HGD: variants seen among roughly 807,000 people sequenced by gnomAD.
The protein encoded by HGD is homogentisate 1,2-dioxygenase.
In HGD, 61 loss-of-function variants were observed where a neutral mutation model predicts 60.8. The observed-to-expected ratio is 1.00, with a 90% CI of 0.82 to 1.24. The LOEUF is 1.24. HGD is among the 50% of genes most tolerant of loss of function. HGD has a pLI of 0.00. For synonymous variants in HGD, 212 were observed against 187.7 expected (o/e 1.13, Z -1.06); for missense variants, 542 against 547.1 (o/e 0.99, Z 0.09).
chr3:120,633,032 A>T, intron 13 of HGD, 115 bp downstream of exon 13: 1 of 875,524 alleles, frequency 1.1e-6, no homozygotes, highest in Admixed American at 2.0e-5. Flanking sequence ...GCAGTCATTA[A>T]CTCTCCCTCT....
Position 120,638,573 on chromosome 3 carries a change from G to A in HGD, c.888C>T (p.Ser296=). 6.2e-7 allele frequency: 1 copy of A among 1,613,954 alleles called. No individual in the cohort carries two copies. The highest frequency in any genetic ancestry group is 8.5e-7 in the Non-Finnish European group (1 of 1,179,924). Residue 296 remains serine, a synonymous_variant, in exon 12 of 14, where the codon TCC becomes TCT. Transcript: ENST00000283871. The part of the protein sequence containing the change: ...NSVAFDHADP[S]IFTVLTAKSV... The stretch of plus-strand genomic sequence containing the variant: ...ACTTAGCAGTCAATACTGTGAAAAT[G>A]GATGGGTCCTGTGAACACACAAGGA...
At chr3:120,664,391 TTTTC>T (rs1029244795) in intron 4 of HGD, among the ~76,000 whole-genome samples, 3 of 151,900 alleles carry the variant, frequency 2.0e-5, no homozygotes, top group South Asian at 2.1e-4. Flanking sequence ...TTTCTCTTTC[TTTTC>T]TTTCTTTCTT....
chr3:120,654,784 G>A (rs913062154), intron 4 of HGD, among the ~76,000 whole-genome samples: 21 of 152,118 alleles, frequency 1.4e-4, no homozygotes, highest in Non-Finnish European at 2.2e-4. Context: ...TAAAATACCT[G>A]TGGTAAGGCC....
chr3:120,657,776 G>A (rs186988382), intron 4 of HGD, among the ~76,000 whole-genome samples: 1 of 152,010 alleles, frequency 6.6e-6, no homozygotes, highest in East Asian at 1.9e-4. Flanking sequence ...ATGACAGAAG[G>A]TGAAGCAGGA....
intron 11 of HGD, among the ~76,000 whole-genome samples, chr3:120,640,943 TC>T (rs141137309): frequency 8.6e-5 from 13 of 152,034 alleles, no homozygotes; most frequent in East Asian, 1.9e-4. Context: ...AAAATGAACT[TC>T]CCCCCGGGGT....
intron 10 of HGD, among the ~76,000 whole-genome samples, chr3:120,642,272 C>G (rs1941007615): frequency 6.6e-6 from 1 of 152,136 alleles, no homozygotes; most frequent in Non-Finnish European, 1.5e-5. Flanking sequence ...AAGGTGGTCC[C>G]TTCTGTATCT....
intron 4 of HGD, among the ~76,000 whole-genome samples, chr3:120,653,019 C>G (rs1320966364): frequency 1.3e-5 from 2 of 152,226 alleles, no homozygotes; most frequent in Non-Finnish European, 2.9e-5. Flanking sequence ...GCTTTTCATG[C>G]TATTTATAAT....
intron 6 of HGD, among the ~76,000 whole-genome samples, chr3:120,648,363 C>A (rs181709888): frequency 3.0e-4 from 45 of 152,184 alleles, no homozygotes; most frequent in Non-Finnish European, 6.0e-4. Flanking sequence ...AAGGCCAATG[C>A]GGCTCAAGTG....
At chr3:120,644,539 G>A (rs1941099640) in intron 9 of HGD, 96 bp from the exon 10 acceptor site, 1 of 1,593,882 alleles carries the variant, frequency 6.3e-7, no homozygotes, top group Non-Finnish European at 8.5e-7. Context: ...TTCATGTCAA[G>A]AGCTACTCCA....
chr3:120,656,568 G>GT lies in HGD; in HGVS notation c.283-3918_283-3917insA, dbSNP rs1269233590. The stretch of plus-strand genomic sequence containing the variant: ...AATTTTTGAGATCTTTTTTTTGGGG[G>GT]GGGGTTGGAGTCGCGCTCTGTTACC... On this transcript the variant is annotated intron_variant, in intron 4 of 13. Coordinates refer to ENST00000283871, the MANE Select transcript of HGD (RefSeq NM_000187.4). Among the ~76,000 whole-genome samples the GT allele has an allele frequency of 6.0e-5, 9 of 151,258 alleles. No individual in the cohort carries two copies. In the South Asian group the frequency reaches 1.3e-3, roughly 21 times the overall value.
intron 9 of HGD, among the ~76,000 whole-genome samples, chr3:120,645,067 A>G (rs1002932674): frequency 6.6e-6 from 1 of 152,200 alleles, no homozygotes; most frequent in African/African-American, 2.4e-5. Flanking sequence ...AAGTGCAAAA[A>G]CAGTTTAACT....
rs367751899 is a variant in HGD, at chr3:120,644,363, T to C, written c.730A>G (p.Thr244Ala). Residue 244 changes from threonine (T) to alanine (A), a missense_variant, in exon 10 of 14, where the codon ACG becomes GCG. Transcript: ENST00000283871. ...TTGCCCTGGTATTTATTAATGACCG[T>C]GTAACCACCTGGTACTTGGCGATCC... ...YEDRQVPGGY[T>A]VINKYQGKLF... 8 of 1,614,038 alleles carry C rather than the reference T, an allele frequency of 5.0e-6. No homozygotes were observed. The highest frequency in any genetic ancestry group is 5.9e-6 in the Non-Finnish European group (7 of 1,180,012).
At chr3:120,675,373 G>A (rs1708107793) in intron 2 of HGD, among the ~76,000 whole-genome samples, 1 of 150,626 alleles carries the variant, frequency 6.6e-6, no homozygotes, top group Non-Finnish European at 1.5e-5. Context: ...GCTATGATAC[G>A]GCCTGCAAAA....
chr3:120,650,085 T>C (rs1313775521), intron 6 of HGD, among the ~76,000 whole-genome samples: 1 of 152,262 alleles, frequency 6.6e-6, no homozygotes, highest in Non-Finnish European at 1.5e-5. Flanking sequence ...GAGTTTCTAG[T>C]ACTCCAGCTG....
intron 4 of HGD, among the ~76,000 whole-genome samples, chr3:120,669,056 A>G (rs186714196): frequency 5.2e-4 from 79 of 152,320 alleles, no homozygotes; most frequent in African/African-American, 1.8e-3. Flanking sequence ...AACGCCCACT[A>G]TTACTAGACC....
At chr3:120,637,265 TGAGA>T (rs1424867975) in intron 12 of HGD, among the ~76,000 whole-genome samples, 1 of 148,764 alleles carries the variant, frequency 6.7e-6, no homozygotes, top group African/African-American at 2.5e-5. Context: ...TGTGAGTCCT[TGAGA>T]GAGTTACTTA....
At chr3:120,638,653 C>T in intron 11 of HGD, 72 bp from the exon 12 acceptor site, 10 of 1,536,138 alleles carry the variant, frequency 6.5e-6, no homozygotes, top group Non-Finnish European at 9.0e-6. Flanking sequence ...ACATTTCATG[C>T]ATACATGAAG....
intron 1 of HGD, 21 bp from the exon 2 acceptor site, chr3:120,675,884 A>G (rs1320564288): frequency 6.3e-7 from 1 of 1,586,342 alleles, no homozygotes. Context: ...CAAAGACACA[A>G]ATGCCACCAT....
At chr3:120,664,641 G>A (rs987954357) in intron 4 of HGD, among the ~76,000 whole-genome samples, 3 of 151,488 alleles carry the variant, frequency 2.0e-5, no homozygotes, top group Non-Finnish European at 2.9e-5. Context: ...ATGTTGCCAG[G>A]GCTGGTCTCA....
Sources: gnomAD v4.1 joint callset for allele counts (sites outside exome capture counted in the v4.1 genomes callset) on GRCh38, gnomAD v4.1.1 for gene constraint, MANE v1.5 for transcripts, NCBI Gene and HGNC (gene_info 2026-07-23, HGNC 2026-07-21) for gene names.